DOCK4: variants seen among roughly 807,000 people sequenced by gnomAD.
DOCK4 encodes the protein dedicator of cytokinesis 4.
In DOCK4, 97 loss-of-function variants were observed where a neutral mutation model predicts 268.1. The observed-to-expected ratio is 0.36, with a 90% CI of 0.31 to 0.43. The LOEUF (loss-of-function observed/expected upper bound fraction) is 0.43. DOCK4 is among the 20% of genes least tolerant of loss of function. The pLI, the probability that DOCK4 is intolerant of heterozygous loss-of-function variation, is 1.00. For missense variants in DOCK4, 2,145 were observed against 2,455.7 expected (o/e 0.87, Z 2.67); for synonymous variants, 954 against 887.2 (o/e 1.08, Z -1.34).
At chr7:111,742,430 A>G (rs888833342) in intron 44 of DOCK4, among the ~76,000 whole-genome samples, 4 of 152,116 alleles carry the variant, frequency 2.6e-5, no homozygotes, top group Non-Finnish European at 5.9e-5. Flanking sequence ...GCCTCGTAAC[A>G]GTTATGTGTC....
chr7:111,987,691 GC>G (rs1799158525), intron 6 of DOCK4, among the ~76,000 whole-genome samples: 1 of 152,174 alleles, frequency 6.6e-6, no homozygotes. Flanking sequence ...GCGCCCTTGT[GC>G]TTTTTCTAGT....
chr7:111,806,520 T>C (rs1800688846), intron 30 of DOCK4, among the ~76,000 whole-genome samples: 1 of 152,200 alleles, frequency 6.6e-6, no homozygotes, highest in African/African-American at 2.4e-5. Flanking sequence ...GACCCTACGC[T>C]TGAACCACGT....
At chr7:112,131,303 G>A (rs1266904263) in intron 1 of DOCK4, among the ~76,000 whole-genome samples, 1 of 152,162 alleles carries the variant, frequency 6.6e-6, no homozygotes, top group Admixed American at 6.5e-5. Flanking sequence ...GCAGCCATGT[G>A]ATTCCCTGTG....
chr7:112,036,417 AAG>A (rs1803769539), intron 1 of DOCK4, among the ~76,000 whole-genome samples: 1 of 152,210 alleles, frequency 6.6e-6, no homozygotes, highest in South Asian at 2.1e-4. Flanking sequence ...ACCTGAAAAA[AAG>A]AAAAAATAAC....
chr7:111,955,039 GA>G (rs1250855154), intron 8 of DOCK4, among the ~76,000 whole-genome samples: 1 of 152,138 alleles, frequency 6.6e-6, no homozygotes, highest in East Asian at 1.9e-4. Flanking sequence ...TAATTAATCA[GA>G]ATTGCTGACT....
At chr7:111,976,738 GATAAGA>G (rs1175923405) in intron 8 of DOCK4, 1 of 157,318 alleles carries the variant, frequency 6.4e-6, no homozygotes, top group Non-Finnish European at 1.4e-5. Flanking sequence ...ATCCAGATAG[GATAAGA>G]ATAACAGAAT....
intron 42 of DOCK4, among the ~76,000 whole-genome samples, chr7:111,748,992 G>A (rs1008268649): frequency 1.3e-5 from 2 of 152,052 alleles, no homozygotes; most frequent in Non-Finnish European, 2.9e-5. Context: ...GTTATATAAC[G>A]TTCAAAACCA....
chr7:112,175,459 T>C (rs1230472597), intron 1 of DOCK4, among the ~76,000 whole-genome samples: 3 of 152,260 alleles, frequency 2.0e-5, no homozygotes, highest in Non-Finnish European at 2.9e-5. Flanking sequence ...AAAATGTTTT[T>C]ATGTTTGAAA....
intron 22 of DOCK4, among the ~76,000 whole-genome samples, chr7:111,865,200 T>C (rs73715283): frequency 0.02 from 3,083 of 152,346 alleles, 101 homozygotes; most frequent in African/African-American, 0.07. Flanking sequence ...AGCAGGTGTG[T>C]GTCCATGAAA....
At chr7:112,202,215 T>C (rs935139122) in intron 1 of DOCK4, among the ~76,000 whole-genome samples, 4 of 152,214 alleles carry the variant, frequency 2.6e-5, no homozygotes, top group Non-Finnish European at 4.4e-5. Flanking sequence ...AGCAGTGGAA[T>C]TGTTGGATCA....
chr7:112,047,060 G>A (rs938458106), intron 1 of DOCK4, among the ~76,000 whole-genome samples: 1 of 152,190 alleles, frequency 6.6e-6, no homozygotes. Flanking sequence ...GGATTAGAAG[G>A]AACAGTACCT....
rs146792504 is a variant in DOCK4, at chr7:111,907,219, A to C, written c.1193-5418T>G. Among the ~76,000 whole-genome samples the C allele has an allele frequency of 2.0e-3, 297 of 152,094 alleles. 5 individuals carry two copies. The highest frequency in any genetic ancestry group is 6.6e-3 in the African/African-American group (275 of 41,448). ...TCTCTATTTTCTATCTATCATTCTC[A>C]TTTTTGTTTTGCTTTGTTTTTAAAA... is the stretch of plus-strand genomic sequence containing the variant. On this transcript the variant is annotated intron_variant, in intron 13 of 52. Transcript: ENST00000428084.
chr7:112,204,882 AACACAC>A (rs34706974), intron 1 of DOCK4, among the ~76,000 whole-genome samples: 157 of 150,026 alleles, frequency 1.0e-3, no homozygotes, highest in African/African-American at 1.9e-3. Context: ...TCAATTTTAA[AACACAC>A]ACACACACAC....
chr7:111,779,280 A>G (rs770896994), intron 35 of DOCK4, among the ~76,000 whole-genome samples: 19 of 152,182 alleles, frequency 1.2e-4, no homozygotes, highest in Non-Finnish European at 2.2e-4. Context: ...ATTTCAAATT[A>G]TTATTACAGA....
intron 5 of DOCK4, among the ~76,000 whole-genome samples, chr7:111,992,131 A>G (rs1236110519): frequency 6.6e-6 from 1 of 152,120 alleles, no homozygotes; most frequent in African/African-American, 2.4e-5. Context: ...ATTTTTAGAG[A>G]CCATTATTTA....
rs1051644743 is a variant in DOCK4 at position 111,848,247 on chromosome 7, C to CATG, written c.2474-1124_2474-1122dup. ...AATTCCCATACCTTATCTTCCAAAT[C>CATG]ATGTATTCAGTTTTATTATTTATGC... On this transcript the variant is annotated intron_variant, in intron 23 of 52. Coordinates refer to ENST00000428084, the MANE Select transcript of DOCK4 (RefSeq NM_001363540.2). Among the ~76,000 whole-genome samples, 15 of 152,280 alleles carry CATG rather than the reference C, an allele frequency of 9.9e-5. No individual in the cohort carries two copies. The East Asian group carries it at 2.7e-3, about 27-fold the overall frequency.
chr7:112,159,178 T>C (rs10487345), intron 1 of DOCK4, among the ~76,000 whole-genome samples: 29,185 of 152,044 alleles, frequency 0.19, 3,120 homozygotes, highest in African/African-American at 0.28. Context: ...CTAGCATCTT[T>C]TCAAGTCTCT....
At chr7:112,199,896 G>GC (rs1358483891) in intron 1 of DOCK4, among the ~76,000 whole-genome samples, 1 of 152,190 alleles carries the variant, frequency 6.6e-6, no homozygotes, top group East Asian at 1.9e-4. Context: ...GAAAACTTAC[G>GC]CAATGCATGT....
At chr7:111,761,209 A>G (rs990985554) in intron 39 of DOCK4, among the ~76,000 whole-genome samples, 2 of 152,028 alleles carry the variant, frequency 1.3e-5, no homozygotes, top group African/African-American at 4.8e-5. Flanking sequence ...ACAGGTGTGC[A>G]CTACCATGCC....
Sources: allele counts gnomAD v4.1 joint callset (sites outside exome capture counted in the v4.1 genomes callset), GRCh38; gene constraint gnomAD v4.1.1; transcripts MANE v1.5; gene names NCBI Gene and HGNC (gene_info 2026-07-23, HGNC 2026-07-21).